The following SNX2 variants were observed in gnomAD, a reference collection of about 807,000 sequenced individuals.
SNX2 encodes the protein sorting nexin-2.
Under a neutral mutation model 69.9 loss-of-function variants are expected in SNX2, and 25 were observed. That is an observed-to-expected ratio of 0.36 (90% confidence interval 0.26 to 0.50). SNX2 has a LOEUF of 0.50. SNX2 is among the 20% of genes least tolerant of loss of function. The pLI, the probability that SNX2 is intolerant of heterozygous loss-of-function variation, is 0.97. For missense variants in SNX2, 551 were observed against 613.3 expected (o/e 0.90, Z 1.07); for synonymous variants, 229 against 200.4 (o/e 1.14, Z -1.20).
intron 7 of SNX2, among the ~76,000 whole-genome samples, chr5:122,810,975 A>T (rs1753762991): frequency 6.6e-6 from 1 of 152,132 alleles, no homozygotes; most frequent in African/African-American, 2.4e-5. Context: ...CAGGATTCTA[A>T]AACTGCATTT....
intron 11 of SNX2, among the ~76,000 whole-genome samples, chr5:122,823,814 G>A (rs1362824957): frequency 6.7e-6 from 1 of 150,326 alleles, no homozygotes; most frequent in East Asian, 2.0e-4. Context: ...GTGTGTGTAT[G>A]TGTAGGAAGT....
intron 11 of SNX2, 53 bp from the exon 12 acceptor site, chr5:122,825,996 GA>G: frequency 6.5e-7 from 1 of 1,528,634 alleles, no homozygotes. Flanking sequence ...CTAGTGTTAA[GA>G]AAGTATTTTA....
rs759651824 is a variant in SNX2, at chr5:122,799,880, A to C, written c.390+25A>C. On this transcript the variant is annotated intron_variant, in intron 3 of 14. Coordinates refer to ENST00000379516, the MANE Select transcript of SNX2 (RefSeq NM_003100.4). ...GGTACAGGAAAATGTATTCTAAATTAATATGTAAATATATACCTTTTTTCC... is the reference window on the plus strand; with the variant it reads ...GGTACAGGAAAATGTATTCTAAATTCATATGTAAATATATACCTTTTTTCC... 7.0e-6 allele frequency: 11 copies of C among 1,560,650 alleles called. No individual in the cohort carries two copies. In the South Asian group the frequency reaches 1.0e-4, roughly 15 times the overall value.
At position 122,829,560 on chromosome 5, in the gene SNX2, G is replaced by C. The variant is rs374463659; in HGVS notation, c.1510-38G>C. On this transcript the variant is annotated intron_variant, in intron 14 of 14. Transcript: ENST00000379516. ...ATATATGCATATAAATGACAAAAAG[G>C]TAATGAGAATAACTTATATTTTAAT... 3.3e-6 allele frequency: 5 copies of C among 1,532,032 alleles called. No homozygotes were observed. The African/African-American group carries it at 6.9e-5, about 21-fold the overall frequency. The allele number at this position is 1,532,032 out of a possible 1,614,324, so 94.9% of individuals were successfully genotyped here.
chr5:122,805,293 A>AAG (rs1274138125), intron 6 of SNX2, among the ~76,000 whole-genome samples: 1 of 150,240 alleles, frequency 6.7e-6, no homozygotes, highest in Admixed American at 6.6e-5. Context: ...TCCATCTCAA[A>AAG]AAAAAAAAAA....
chr5:122,809,076 A>T (rs1753712718), intron 7 of SNX2, among the ~76,000 whole-genome samples: 1 of 152,170 alleles, frequency 6.6e-6, no homozygotes. Context: ...TGAAAAAAAT[A>T]ATTACATCTA....
At position 122,817,009 on chromosome 5, in the gene SNX2, A is replaced by G. The variant is rs1753915010; in HGVS notation, c.893A>G (p.Lys298Arg). Residue 298 changes from lysine (K) to arginine (R), a missense_variant, in exon 9 of 15, where the codon AAG becomes AGG. By Grantham distance (26) the Lys-to-Arg change is conservative. Coordinates refer to ENST00000379516, the MANE Select transcript of SNX2 (RefSeq NM_003100.4). ...GACGCTGTCAACAAAATGACAATCAAGATGAATGAATCGGATGCAGTAAGA... is the reference window on the plus strand; with the variant it reads ...GACGCTGTCAACAAAATGACAATCAGGATGAATGAATCGGATGCAGTAAGA... ...AADAVNKMTI[K>R]MNESDAWFEE... is the part of the protein sequence containing the mutation. 1.2e-6 allele frequency: 2 copies of G among 1,611,634 alleles called. No individual in the cohort carries two copies. The highest frequency in any genetic ancestry group is 1.1e-5 in the South Asian group (1 of 90,664).
chr5:122,790,321 A>C (rs1261241594), intron 1 of SNX2, among the ~76,000 whole-genome samples: 1 of 152,084 alleles, frequency 6.6e-6, no homozygotes, highest in Non-Finnish European at 1.5e-5. Context: ...GGGTTTCTCC[A>C]TGTTGGCCAG....
At position 122,827,796 on chromosome 5, in the gene SNX2, A is replaced by C. The variant is rs1243514335; in HGVS notation, c.1509+150A>C. The C allele has an allele frequency of 1.6e-5, 10 of 615,602 alleles. No homozygotes were observed. The South Asian group carries it at 2.0e-4, about 12-fold the overall frequency. 38.1% of individuals were successfully genotyped at this position (615,602 alleles called of 1,614,324 possible). On this transcript the variant is annotated intron_variant, in intron 14 of 14. Coordinates refer to ENST00000379516, the MANE Select transcript of SNX2 (RefSeq NM_003100.4). Reference sequence around the variant, plus strand: ...CAGTGATGGTAAAGGATAAAAGGGTAAACTAATCGGAAACTATCTCACGTG... The same window carrying C: ...CAGTGATGGTAAAGGATAAAAGGGTCAACTAATCGGAAACTATCTCACGTG...
At chr5:122,819,270 T>G (rs777210863) in intron 11 of SNX2, among the ~76,000 whole-genome samples, 4 of 152,232 alleles carry the variant, frequency 2.6e-5, no homozygotes, top group African/African-American at 9.6e-5. Context: ...CATTTACTTA[T>G]GTATTTGCTT....
Position 122,775,137 on chromosome 5 carries a change from G to A in SNX2, c.34G>A (p.Asp12Asn), listed in dbSNP as rs1194517257. Reference protein sequence around the residue: ...AAEREPPPLGDGKPTDFEDLE... With the variant: ...AAEREPPPLGNGKPTDFEDLE... The stretch of plus-strand genomic sequence containing the variant: ...CGAGAGGGAACCTCCTCCGCTGGGG[G>A]ACGGGAAGCCCACCGACTTTGAGGA... Residue 12 changes from aspartate to asparagine, a missense_variant, in exon 1 of 15, where the codon GAC becomes AAC. This residue lies in a region of SNX2 where 191 missense variants were observed against 162.9 expected (regional missense o/e 1.17). Coordinates refer to ENST00000379516, the MANE Select transcript of SNX2 (RefSeq NM_003100.4). The A allele has an allele frequency of 1.3e-6, 2 of 1,595,956 alleles. No individual in the cohort carries two copies. Among genetic ancestry groups the A allele is most frequent in the East Asian group, 2.3e-5 (1 of 44,088 alleles).
chr5:122,801,720 T>G (rs1243516569), intron 3 of SNX2, 149 bp from the exon 4 acceptor site: 1 of 564,854 alleles, frequency 1.8e-6, no homozygotes, highest in Non-Finnish European at 3.2e-6. Flanking sequence ...AATGTGAAAG[T>G]TTTTATTGTT....
At chr5:122,820,039 G>A (rs1023809547) in intron 11 of SNX2, among the ~76,000 whole-genome samples, 5 of 152,146 alleles carry the variant, frequency 3.3e-5, no homozygotes, top group African/African-American at 1.2e-4. Flanking sequence ...ATTTAGAAAT[G>A]TTAATATACA....
intron 3 of SNX2, among the ~76,000 whole-genome samples, chr5:122,801,652 C>CATGTGTGTGTGTGTGTGTGT (rs113836294): frequency 2.7e-4 from 36 of 132,118 alleles, no homozygotes; most frequent in African/African-American, 1.0e-3. Context: ...TGGTCTTTTT[C>CATGTGTGTGTGTGTGTGTGT]GTGTGTGTGT....
At chr5:122,783,573 CTTTTTCAGAAATGAACTGACCATA>C (rs1034727490) in intron 1 of SNX2, among the ~76,000 whole-genome samples, 7 of 151,974 alleles carry the variant, frequency 4.6e-5, no homozygotes, top group African/African-American at 1.7e-4. Context: ...ATTGGGCTGT[CTTTTTCAGAAATGAACTGACCATA>C]TATATGTGGG....
intron 11 of SNX2, 146 bp from the exon 12 acceptor site, chr5:122,825,904 T>G: frequency 1.6e-6 from 1 of 619,886 alleles, no homozygotes; most frequent in Non-Finnish European, 2.5e-6. Flanking sequence ...TCTTTGATAT[T>G]GGCATACTTA....
intron 1 of SNX2, among the ~76,000 whole-genome samples, chr5:122,787,549 G>C (rs185770230): frequency 4.0e-4 from 61 of 152,028 alleles, no homozygotes; most frequent in African/African-American, 1.4e-3. Context: ...AAGAAAAAGA[G>C]TGATAGCTCC....
intron 11 of SNX2, among the ~76,000 whole-genome samples, chr5:122,823,844 A>T (rs996812017): frequency 6.6e-6 from 1 of 150,594 alleles, no homozygotes; most frequent in Non-Finnish European, 1.5e-5. Flanking sequence ...TGTTTGTGTT[A>T]AGCTTTCCAA....
At position 122,832,167 on chromosome 5, in the gene SNX2, A is replaced by C; in HGVS notation, c.*2519A>C. Among the ~76,000 whole-genome samples the C allele has an allele frequency of 6.6e-6, 1 of 152,220 alleles. No individual in the cohort carries two copies. Among genetic ancestry groups the C allele is most frequent in the East Asian group, 1.9e-4 (1 of 5,204 alleles). ...AAAAGTTAAAGACCAAGGCAGCAAAATATTGTGAAACAAGCTGAACTTGGG... is the reference window on the plus strand; with the variant it reads ...AAAAGTTAAAGACCAAGGCAGCAAACTATTGTGAAACAAGCTGAACTTGGG... On this transcript the variant is annotated 3_prime_UTR_variant, in exon 15 of 15. Coordinates refer to ENST00000379516, the MANE Select transcript of SNX2 (RefSeq NM_003100.4).
Sources: allele counts gnomAD v4.1 joint callset (sites outside exome capture counted in the v4.1 genomes callset), GRCh38; gene constraint gnomAD v4.1.1; regional missense constraint gnomAD v4.1.1; transcripts MANE v1.5; gene names NCBI Gene and HGNC (gene_info 2026-07-23, HGNC 2026-07-21).